Variants in HDLBP observed in about 807,000 individuals in gnomAD.
HDLBP encodes vigilin.
Under a neutral mutation model 137.3 loss-of-function variants are expected in HDLBP, and 30 were observed. That is an observed-to-expected ratio of 0.22 (90% confidence interval 0.16 to 0.30). The LOEUF (loss-of-function observed/expected upper bound fraction) is 0.30, where lower values mean the gene tolerates loss of function less well. Ranked by LOEUF, HDLBP falls within the 10% of genes least tolerant of loss-of-function variation. The pLI is 1.00. For synonymous variants in HDLBP, 606 were observed against 596.0 expected (o/e 1.02, Z -0.24); for missense variants, 1,119 against 1,667.3 (o/e 0.67, Z 5.73).
intron 5 of HDLBP, among the ~76,000 whole-genome samples, chr2:241,257,027 A>G (rs568322999): frequency 2.6e-5 from 4 of 152,294 alleles, no homozygotes; most frequent in Admixed American, 2.6e-4. Flanking sequence ...CCACTACTTA[A>G]CATCCACTGG....
chr2:241,303,455 G>A (rs1398516784), intron 1 of HDLBP, among the ~76,000 whole-genome samples: 1 of 152,184 alleles, frequency 6.6e-6, no homozygotes, highest in African/African-American at 2.4e-5. Context: ...CAGGAGAGAG[G>A]CAGCACTTAA....
chr2:241,265,009 C>G (rs1409777789), intron 3 of HDLBP, among the ~76,000 whole-genome samples: 1 of 152,228 alleles, frequency 6.6e-6, no homozygotes. Flanking sequence ...TATGGCAATG[C>G]CAGGCACAGA....
In HDLBP at chr2:241,236,524, C is replaced by T. The variant is rs2070477749; in HGVS notation, c.2904+91G>A. 6 of 1,348,526 alleles carry T rather than the reference C, an allele frequency of 4.4e-6. 1 individual carries two copies. The highest frequency in any genetic ancestry group is 3.9e-5 in the South Asian group (3 of 77,776). 83.5% of individuals were successfully genotyped at this position (1,348,526 alleles called of 1,614,324 possible). A position where few individuals can be genotyped will look rare whatever the true frequency, so the allele number is the denominator to read the frequency against. ...ACCTCCACTGCCACTGCCGCTTGGG[C>T]AACCGTCCATCCCATCCAGGCCACG... On this transcript the variant is annotated intron_variant, in intron 21 of 27. Coordinates refer to ENST00000310931, the MANE Select transcript of HDLBP (RefSeq NM_005336.6).
At chr2:241,288,398 C>CAACCAAGAAA (rs1232998048) in intron 1 of HDLBP, among the ~76,000 whole-genome samples, 1 of 151,844 alleles carries the variant, frequency 6.6e-6, no homozygotes, top group Non-Finnish European at 1.5e-5. Context: ...GTTGCCTGCA[C>CAACCAAGAAA]AACTAAGAAC....
chr2:241,270,288 C>T (rs953774268), intron 1 of HDLBP, among the ~76,000 whole-genome samples: 2 of 152,184 alleles, frequency 1.3e-5, no homozygotes, highest in African/African-American at 4.8e-5. Flanking sequence ...GACCCTCAGG[C>T]AGCCAGGTAA....
chr2:241,264,726 C>T (rs756928305), intron 3 of HDLBP, 121 bp from the exon 4 acceptor site: 5 of 913,042 alleles, frequency 5.5e-6, no homozygotes, highest in South Asian at 1.7e-5. Flanking sequence ...CCAAGGACAA[C>T]TCCCCCCACC....
chr2:241,299,224 A>G (rs1450636021), intron 1 of HDLBP, among the ~76,000 whole-genome samples: 1 of 152,172 alleles, frequency 6.6e-6, no homozygotes, highest in Non-Finnish European at 1.5e-5. Context: ...TGATTAGAAA[A>G]ACTAAACACC....
intron 23 of HDLBP, among the ~76,000 whole-genome samples, 198 bp from the exon 24 acceptor site, chr2:241,234,161 G>A (rs987017849): frequency 3.3e-5 from 5 of 152,290 alleles, no homozygotes; most frequent in African/African-American, 1.2e-4. Context: ...AGGGAACTTG[G>A]CTGCTCCACA....
At chr2:241,274,039 G>A (rs2074296933) in intron 1 of HDLBP, among the ~76,000 whole-genome samples, 1 of 152,192 alleles carries the variant, frequency 6.6e-6, no homozygotes, top group Admixed American at 6.5e-5. Context: ...GACCAGAAGA[G>A]GGGTGTAAAA....
intron 1 of HDLBP, among the ~76,000 whole-genome samples, chr2:241,290,084 T>G (rs976672673): frequency 6.6e-6 from 1 of 152,150 alleles, no homozygotes; most frequent in African/African-American, 2.4e-5. Flanking sequence ...TACACTACTA[T>G]GCATAGTCTT....
rs1263142066 is a variant in HDLBP, at chr2:241,250,320, C to G, written c.1373-340G>C. The G allele has an allele frequency of 7.4e-5, 14 of 190,182 alleles. No individual in the cohort carries two copies. In the East Asian group the frequency reaches 1.5e-3, roughly 20 times the overall value. 11.8% of individuals were successfully genotyped at this position (190,182 alleles called of 1,614,324 possible). On this transcript the variant is annotated intron_variant, in intron 11 of 27. Coordinates refer to ENST00000310931, the MANE Select transcript of HDLBP (RefSeq NM_005336.6). Reference sequence around the variant, plus strand: ...AGGGCTTCAGAATAGTTGAAGGATTCCAGGTGTTTCTAATGTGCAGTAAGT... The same window carrying G: ...AGGGCTTCAGAATAGTTGAAGGATTGCAGGTGTTTCTAATGTGCAGTAAGT...
chr2:241,278,273 T>C (rs2074470251), intron 1 of HDLBP, among the ~76,000 whole-genome samples: 1 of 152,184 alleles, frequency 6.6e-6, no homozygotes. Flanking sequence ...GGGGCAAAGA[T>C]AATTTGATCA....
intron 24 of HDLBP, chr2:241,231,381 C>CT (rs1356324691): frequency 3.8e-5 from 5 of 131,166 alleles, no homozygotes; most frequent in Non-Finnish European, 7.8e-5. Flanking sequence ...AAAACTCCAT[C>CT]TCAAAAAAAA....
At chr2:241,236,874 A>G in intron 20 of HDLBP, 105 bp from the exon 21 acceptor site, 1 of 1,213,960 alleles carries the variant, frequency 8.2e-7, no homozygotes, top group East Asian at 2.5e-5. Context: ...GCTGGGTGGT[A>G]AAAGGGAGGG....
At chr2:241,290,656 G>A (rs1020880894) in intron 1 of HDLBP, among the ~76,000 whole-genome samples, 14 of 151,452 alleles carry the variant, frequency 9.2e-5, no homozygotes, top group African/African-American at 2.4e-4. Context: ...AAAATAAAAC[G>A]TTCCACTTCT....
At chr2:241,263,041 C>G (rs2073327884) in intron 4 of HDLBP, 115 bp from the exon 5 acceptor site, 2 of 770,714 alleles carry the variant, frequency 2.6e-6, no homozygotes, top group Admixed American at 2.4e-5. Context: ...CCACCCTGCC[C>G]ACAGGCACTG....
In HDLBP at chr2:241,306,794, A is replaced by C. The variant is rs1267334959; in HGVS notation, c.-103+8776T>G. 2.6e-5 allele frequency among the ~76,000 whole-genome samples: 4 copies of C among 151,392 alleles called. No individual in the cohort carries two copies. The East Asian group carries it at 5.9e-4, about 23-fold the overall frequency. On this transcript the variant is annotated intron_variant, in intron 1 of 27. Coordinates refer to ENST00000310931, the MANE Select transcript of HDLBP (RefSeq NM_005336.6). Reference sequence around the variant, plus strand: ...CTACTCAGGAGGCTGAGGCAGGAGAATTGCTTGAACCCGGGAGGCGGAAGT... The same window carrying C: ...CTACTCAGGAGGCTGAGGCAGGAGACTTGCTTGAACCCGGGAGGCGGAAGT...
chr2:241,262,979 CAGAT>C, intron 4 of HDLBP, 53 bp from the exon 5 acceptor site: 1 of 1,368,600 alleles, frequency 7.3e-7, no homozygotes, highest in South Asian at 1.2e-5. Flanking sequence ...AGAAGGCCAA[CAGAT>C]AGGGAGTAAA....
At chr2:241,263,138 G>C (rs536875045) in intron 4 of HDLBP, among the ~76,000 whole-genome samples, 2 of 152,348 alleles carry the variant, frequency 1.3e-5, no homozygotes, top group Non-Finnish European at 2.9e-5. Context: ...AACCACATCA[G>C]CTGCACAAAT....
Sources: gnomAD v4.1 joint callset for allele counts (sites outside exome capture counted in the v4.1 genomes callset) on GRCh38, gnomAD v4.1.1 for gene constraint, MANE v1.5 for transcripts, NCBI Gene and HGNC (gene_info 2026-07-23, HGNC 2026-07-21) for gene names.